Variants in PRKDC observed in about 807,000 individuals in gnomAD.
PRKDC encodes DNA-dependent protein kinase catalytic subunit.
PRKDC carries 82 observed loss-of-function variants against 486.9 expected under a neutral mutation model. The observed-to-expected ratio is 0.17, with a 90% CI of 0.14 to 0.20. The LOEUF (loss-of-function observed/expected upper bound fraction) is 0.20. Among genes scored for constraint, PRKDC ranks in the 10% least tolerant of loss-of-function variants. The pLI, the probability that PRKDC is intolerant of heterozygous loss-of-function variation, is 1.00. For synonymous variants in PRKDC, 1,895 were observed against 1,837.0 expected (o/e 1.03, Z -0.81); for missense variants, 4,504 against 5,038.2 (o/e 0.89, Z 3.21).
At chr8:47,801,393 A>T (rs997648708) in intron 70 of PRKDC, among the ~76,000 whole-genome samples, 4 of 152,346 alleles carry the variant, frequency 2.6e-5, no homozygotes, top group South Asian at 2.1e-4. Flanking sequence ...TTCTATTAAG[A>T]AATTAATAAA....
intron 61 of PRKDC, among the ~76,000 whole-genome samples, 190 bp from the exon 62 acceptor site, chr8:47,828,537 A>G (rs1422335308): frequency 6.6e-6 from 1 of 152,206 alleles, no homozygotes; most frequent in African/African-American, 2.4e-5. Context: ...TATCTGTTTG[A>G]TGTATGTTAT....
intron 34 of PRKDC, among the ~76,000 whole-genome samples, chr8:47,888,153 C>T (rs1262546480): frequency 2.0e-5 from 3 of 152,166 alleles, no homozygotes; most frequent in African/African-American, 7.2e-5. Context: ...GCTGGGATTA[C>T]AAGTATGAGC....
intron 25 of PRKDC, among the ~76,000 whole-genome samples, chr8:47,911,014 T>C (rs2089891900): frequency 6.6e-6 from 1 of 152,250 alleles, no homozygotes; most frequent in Non-Finnish European, 1.5e-5. Context: ...ATATGCTTAC[T>C]CTTGGGCCTT....
chr8:47,803,241 G>T, intron 70 of PRKDC, 65 bp downstream of exon 70: 16 of 1,450,126 alleles, frequency 1.1e-5, no homozygotes, highest in Non-Finnish European at 1.5e-5. Flanking sequence ...CAAAGAAGAG[G>T]AAGATACACA....
chr8:47,883,040 T>G (rs2089254472), intron 36 of PRKDC, among the ~76,000 whole-genome samples: 1 of 152,242 alleles, frequency 6.6e-6, no homozygotes, highest in African/African-American at 2.4e-5. Context: ...CGACATACTG[T>G]ATCCAGCACC....
intron 27 of PRKDC, 71 bp from the exon 28 acceptor site, chr8:47,900,538 T>A (rs912412146): frequency 2.2e-6 from 3 of 1,356,434 alleles, no homozygotes; most frequent in East Asian, 5.0e-5. Flanking sequence ...AAAGAAGGAA[T>A]GGAATTAAAG....
chr8:47,837,063 G>T, intron 57 of PRKDC, 149 bp downstream of exon 57: 1 of 841,208 alleles, frequency 1.2e-6, no homozygotes, highest in Non-Finnish European at 1.8e-6. Context: ...ACCTCCAGGT[G>T]GCTGAAGCAG....
intron 59 of PRKDC, 75 bp downstream of exon 59, chr8:47,834,121 A>G: frequency 6.4e-7 from 1 of 1,552,104 alleles, no homozygotes; most frequent in Non-Finnish European, 8.9e-7. Context: ...ATACAGTCAG[A>G]AATGTCCCCA....
At chr8:47,813,369 C>T (rs903259624) in intron 68 of PRKDC, among the ~76,000 whole-genome samples, 55 of 151,926 alleles carry the variant, frequency 3.6e-4, no homozygotes, top group Non-Finnish European at 6.8e-4. Context: ...CCACCCACCT[C>T]GGCCTCCTAA....
Position 47,902,733 on chromosome 8 carries a change from T to C in PRKDC, c.3105A>G (p.Glu1035=), listed in dbSNP as rs2154502365. Residue 1035 remains glutamate (E), a synonymous_variant, in exon 27 of 86, where the codon GAA becomes GAG. Coordinates refer to ENST00000314191, the MANE Select transcript of PRKDC (RefSeq NM_006904.7). The part of the protein sequence containing the change: ...LRDFCGRCIR[E]FLKWSIKQIT... ...TTTGCTTAATGGACCATTTAAGGAA[T>C]TCTCGAATACACCGACCACAAAAAT... 1.2e-6 allele frequency: 2 copies of C among 1,613,896 alleles called. No individual in the cohort carries two copies. The highest frequency in any genetic ancestry group is 1.7e-6 in the Non-Finnish European group (2 of 1,179,842).
intron 44 of PRKDC, among the ~76,000 whole-genome samples, chr8:47,861,852 G>C (rs1443689509): frequency 6.6e-6 from 1 of 152,180 alleles, no homozygotes; most frequent in Non-Finnish European, 1.5e-5. Flanking sequence ...TCCTACACAT[G>C]TCAAGAGATG....
chr8:47,851,414 C>T (rs1261843856), intron 52 of PRKDC, among the ~76,000 whole-genome samples: 1 of 152,206 alleles, frequency 6.6e-6, no homozygotes, highest in African/African-American at 2.4e-5. Context: ...AAATGAATTA[C>T]AAGTAATATT....
At chr8:47,952,356 C>A (rs944776217) in intron 7 of PRKDC, among the ~76,000 whole-genome samples, 1 of 152,148 alleles carries the variant, frequency 6.6e-6, no homozygotes, top group African/African-American at 2.4e-5. Context: ...GTGAAATAAG[C>A]CACACAGGAA....
At chr8:47,901,405 C>G (rs2089681059) in intron 27 of PRKDC, among the ~76,000 whole-genome samples, 1 of 150,956 alleles carries the variant, frequency 6.6e-6, no homozygotes, top group Non-Finnish European at 1.5e-5. Flanking sequence ...ACCTGGGAAG[C>G]AGAGGTTGCA....
chr8:47,906,669 C>T (rs1307529782), intron 25 of PRKDC, among the ~76,000 whole-genome samples: 1 of 150,996 alleles, frequency 6.6e-6, no homozygotes, highest in Non-Finnish European at 1.5e-5. Context: ...AAGGTGAACA[C>T]TCCCTACACT....
At chr8:47,935,414 C>A (rs1250672270) in intron 13 of PRKDC, among the ~76,000 whole-genome samples, 1 of 151,850 alleles carries the variant, frequency 6.6e-6, no homozygotes. Context: ...GCAAGAGAAT[C>A]GCTTGAACCC....
Position 47,855,280 on chromosome 8 carries a change from G to T in PRKDC, c.6703C>A (p.Leu2235Ile). ...TCGACAAGGGTCTTTATAATTTCAA[G>T]GTTGTGTCTAAACACAGCTCTTTTT... ...HPKRAVFRHNLEIIKTLVECW... is the reference protein window; with the variant it reads ...HPKRAVFRHNIEIIKTLVECW... Residue 2235 changes from leucine to isoleucine, a missense_variant, in exon 50 of 86, where the codon CTT becomes ATT. Around this residue, in one of 6 missense-constraint regions of PRKDC, gnomAD observed 1,592 missense variants for 1,724.6 expected, o/e 0.92. Transcript: ENST00000314191. 2 of 1,603,736 alleles carry T rather than the reference G, an allele frequency of 1.2e-6. No individual in the cohort carries two copies. Among genetic ancestry groups the T allele is most frequent in the Non-Finnish European group, 1.7e-6 (2 of 1,174,540 alleles).
chr8:47,808,227 G>A (rs1048549870), intron 68 of PRKDC, among the ~76,000 whole-genome samples: 2 of 151,902 alleles, frequency 1.3e-5, no homozygotes, highest in South Asian at 2.1e-4. Context: ...CTGCAGCCTC[G>A]ACCTCCTAAG....
intron 21 of PRKDC, among the ~76,000 whole-genome samples, chr8:47,919,362 A>T (rs184595371): frequency 6.6e-6 from 1 of 152,220 alleles, no homozygotes; most frequent in Non-Finnish European, 1.5e-5. Flanking sequence ...TTTTCTCATG[A>T]TTAGACTCAG....
Sources: gnomAD v4.1 joint callset for allele counts (sites outside exome capture counted in the v4.1 genomes callset) on GRCh38, gnomAD v4.1.1 for gene constraint, gnomAD v4.1.1 regional missense constraint, MANE v1.5 for transcripts, NCBI Gene and HGNC (gene_info 2026-07-23, HGNC 2026-07-21) for gene names.